RYR2: variants seen among roughly 807,000 people sequenced by gnomAD.
The protein encoded by RYR2 is ryanodine receptor 2, also known as cardiac muscle ryanodine receptor-calcium release channel.
Under a neutral mutation model 601.1 loss-of-function variants are expected in RYR2, and 227 were observed. That is an observed-to-expected ratio of 0.38 (90% confidence interval 0.34 to 0.42). The LOEUF is 0.42. Ranked by LOEUF, RYR2 falls within the 10% of genes least tolerant of loss-of-function variation. The probability of loss-of-function intolerance (pLI) is 1.00; values close to 1 mark genes in which losing one functional copy is unlikely to be tolerated. For missense variants in RYR2, 4,646 were observed against 6,156.5 expected (o/e 0.75, Z 8.21); for synonymous variants, 2,223 against 2,175.1 (o/e 1.02, Z -0.61).
chr1:237,380,497 G>A (rs1701414431), intron 8 of RYR2, among the ~76,000 whole-genome samples: 1 of 144,570 alleles, frequency 6.9e-6, no homozygotes, highest in Non-Finnish European at 1.5e-5. Context: ...CCTTCATCTG[G>A]AGTCTGGGGA....
intron 10 of RYR2, among the ~76,000 whole-genome samples, chr1:237,397,724 C>CTT (rs71561869): frequency 0.026 from 3,646 of 141,002 alleles, 177 homozygotes; most frequent in African/African-American, 0.089. Context: ...AATTTGGTAT[C>CTT]TTTTTTTTTT....
intron 71 of RYR2, among the ~76,000 whole-genome samples, chr1:237,715,199 G>A (rs1689174510): frequency 6.6e-6 from 1 of 151,996 alleles, no homozygotes. Context: ...ATTGAGCTGC[G>A]CCTATGAGCA....
chr1:237,625,531 C>A, intron 39 of RYR2, 130 bp from the exon 40 acceptor site: 1 of 870,900 alleles, frequency 1.1e-6, no homozygotes, highest in Non-Finnish European at 1.7e-6. Context: ...AGCAACATTG[C>A]TTAACTTAAT....
At chr1:237,433,827 C>T (rs1181134648) in intron 12 of RYR2, among the ~76,000 whole-genome samples, 1 of 150,676 alleles carries the variant, frequency 6.6e-6, no homozygotes, top group African/African-American at 2.5e-5. Context: ...TATCTTCTAC[C>T]ATATTTCCCA....
chr1:237,103,870 C>T (rs981862245), intron 1 of RYR2, among the ~76,000 whole-genome samples: 1 of 152,066 alleles, frequency 6.6e-6, no homozygotes, highest in Non-Finnish European at 1.5e-5. Flanking sequence ...CGGCCAGCCC[C>T]TGTCAATTCT....
chr1:237,821,802 T>C (rs1177222620), intron 101 of RYR2, among the ~76,000 whole-genome samples: 1 of 151,800 alleles, frequency 6.6e-6, no homozygotes, highest in African/African-American at 2.4e-5. Context: ...AATTGCTAAC[T>C]AGAATAACCA....
intron 54 of RYR2, among the ~76,000 whole-genome samples, chr1:237,659,526 T>C (rs2148839347): frequency 6.6e-6 from 1 of 152,346 alleles, no homozygotes; most frequent in East Asian, 1.9e-4. Context: ...AGATGCATAC[T>C]CTAGTTTTCC....
chr1:237,336,811 T>C (rs1175462202), intron 3 of RYR2, among the ~76,000 whole-genome samples: 1 of 151,774 alleles, frequency 6.6e-6, no homozygotes, highest in East Asian at 1.9e-4. Context: ...GAGCAGAGAT[T>C]GCACCACTGT....
intron 24 of RYR2, among the ~76,000 whole-genome samples, chr1:237,522,436 G>A (rs1327288412): frequency 6.6e-6 from 1 of 152,226 alleles, no homozygotes; most frequent in African/African-American, 2.4e-5. Context: ...CAGATCTAAG[G>A]TCAGGTTCAC....
At chr1:237,790,541 T>C (rs1215134480) in intron 92 of RYR2, among the ~76,000 whole-genome samples, 1 of 152,164 alleles carries the variant, frequency 6.6e-6, no homozygotes, top group Non-Finnish European at 1.5e-5. Flanking sequence ...CTCTAATAGC[T>C]TCCCATCCCA....
intron 1 of RYR2, among the ~76,000 whole-genome samples, chr1:237,067,242 T>C (rs2148293873): frequency 1.3e-5 from 2 of 152,292 alleles, no homozygotes; most frequent in Middle Eastern, 3.4e-3. Context: ...TGGTCTTGAA[T>C]ATTTTCTCTT....
intron 29 of RYR2, among the ~76,000 whole-genome samples, chr1:237,587,735 A>G (rs1674687754): frequency 6.6e-6 from 1 of 152,220 alleles, no homozygotes; most frequent in South Asian, 2.1e-4. Flanking sequence ...CTAGACACTG[A>G]ATATTTTAAA....
intron 34 of RYR2, among the ~76,000 whole-genome samples, chr1:237,595,988 C>T (rs1184937371): frequency 6.6e-6 from 1 of 152,130 alleles, no homozygotes; most frequent in Non-Finnish European, 1.5e-5. Flanking sequence ...CTACCGCATC[C>T]ACCCAGAACC....
At chr1:237,499,797 T>C (rs957165810) in intron 20 of RYR2, among the ~76,000 whole-genome samples, 5 of 152,232 alleles carry the variant, frequency 3.3e-5, no homozygotes, top group Non-Finnish European at 7.3e-5. Flanking sequence ...AAGTCTATTT[T>C]TGTCTTTGCT....
At chr1:237,230,690 G>A (rs929372931) in intron 1 of RYR2, among the ~76,000 whole-genome samples, 4 of 152,064 alleles carry the variant, frequency 2.6e-5, no homozygotes, top group Non-Finnish European at 5.9e-5. Context: ...AGGCCTTGAC[G>A]TATGTATCAC....
chr1:237,664,653 C>T (rs550902730), intron 56 of RYR2, among the ~76,000 whole-genome samples: 10 of 152,176 alleles, frequency 6.6e-5, no homozygotes, highest in Admixed American at 3.3e-4. Flanking sequence ...TGGGTACCCC[C>T]GACAATATGA....
chr1:237,716,881 C>G lies in RYR2; in HGVS notation c.10324-317C>G, dbSNP rs576277022. ...TAAGCATTGAAAATTAGAAAGCACA[C>G]AATATCTGAAATTACTATAGAATTT... On this transcript the variant is annotated intron_variant, in intron 71 of 104. Coordinates refer to ENST00000366574, the MANE Select transcript of RYR2 (RefSeq NM_001035.3). Among the ~76,000 whole-genome samples the G allele has an allele frequency of 9.2e-5, 14 of 152,156 alleles. No individual in the cohort carries two copies. In the East Asian group the frequency reaches 2.7e-3, roughly 29 times the overall value.
intron 56 of RYR2, among the ~76,000 whole-genome samples, chr1:237,662,266 G>T (rs1205792665): frequency 2.0e-5 from 3 of 151,896 alleles, no homozygotes; most frequent in Non-Finnish European, 4.4e-5. Context: ...TTTTGTCTGT[G>T]TACTTTTCTA....
intron 1 of RYR2, among the ~76,000 whole-genome samples, chr1:237,043,489 T>G (rs1660186040): frequency 1.3e-5 from 2 of 152,166 alleles, no homozygotes; most frequent in African/African-American, 2.4e-5. Flanking sequence ...GCTCCTTCCT[T>G]TCTCTCATTT....
Sources: gnomAD v4.1 joint callset for allele counts (sites outside exome capture counted in the v4.1 genomes callset) on GRCh38, gnomAD v4.1.1 for gene constraint, MANE v1.5 for transcripts, NCBI Gene and HGNC (gene_info 2026-07-23, HGNC 2026-07-21) for gene names.